STK32C: variants seen among roughly 807,000 people sequenced by gnomAD.
STK32C encodes serine/threonine kinase 32C, also known as serine/threonine-protein kinase 32C.
A neutral mutation model predicts 56.5 loss-of-function variants in STK32C; 31 were observed. The ratio of observed to expected loss-of-function variants is 0.55; its 90% CI spans 0.41 to 0.74. STK32C has a LOEUF of 0.74. Among genes scored for constraint, STK32C ranks in the 30% least tolerant of loss-of-function variants. STK32C has a pLI of 0.00. For missense variants in STK32C, 544 were observed against 676.9 expected (o/e 0.80, Z 2.18); for synonymous variants, 309 against 289.4 (o/e 1.07, Z -0.69).
chr10:132,245,146 A>G (rs1376548516), intron 2 of STK32C, among the ~76,000 whole-genome samples: 9 of 152,190 alleles, frequency 5.9e-5, no homozygotes, highest in Non-Finnish European at 1.3e-4. Context: ...AATCGCTTTA[A>G]AAAGGGCTTA....
At chr10:132,223,027 C>G in intron 8 of STK32C, 41 bp from the exon 9 acceptor site, 1 of 1,533,912 alleles carries the variant, frequency 6.5e-7, no homozygotes, top group South Asian at 1.2e-5. Context: ...GGCCCACAGC[C>G]CACCAGCACG....
chr10:132,237,830 T>A (rs970295033), intron 2 of STK32C, among the ~76,000 whole-genome samples: 1 of 152,200 alleles, frequency 6.6e-6, no homozygotes, highest in African/African-American at 2.4e-5. Context: ...AGGATCCCCC[T>A]TTCCCGACCA....
At chr10:132,218,422 C>G (rs750527257) in intron 10 of STK32C, among the ~76,000 whole-genome samples, 5 of 152,158 alleles carry the variant, frequency 3.3e-5, no homozygotes, top group Admixed American at 1.3e-4. Context: ...AGACATTTCT[C>G]TAGACACAAT....
chr10:132,230,679 C>CGGG lies in STK32C; in HGVS notation c.319-2554_319-2552dup, dbSNP rs377544275. Among the ~76,000 whole-genome samples, 187 of 49,566 alleles carry CGGG rather than the reference C, an allele frequency of 3.8e-3. 2 individuals are homozygous for CGGG. Among genetic ancestry groups the CGGG allele is most frequent in the East Asian group, 0.016 (24 of 1,516 alleles). The allele number at this position is 49,566 out of a possible 152,430, so 32.5% of individuals were successfully genotyped here. A position where few individuals can be genotyped will look rare whatever the true frequency, so the allele number is the denominator to read the frequency against. ...CTCTTGCTGCTGGGGGGGAAGCTGG[C>CGGG]GGGGGGGGGGGGGCTGCAGAGCCCA... On this transcript the variant is annotated intron_variant, in intron 2 of 11. Coordinates refer to ENST00000298630, the MANE Select transcript of STK32C (RefSeq NM_173575.4).
chr10:132,307,586 T>G lies in STK32C; in HGVS notation c.248A>C (p.Asp83Ala). Residue 83 changes from aspartate to alanine, a missense_variant, in exon 1 of 12, where the codon GAC (aspartate) becomes GCC (alanine). Transcript: ENST00000298630. The surrounding 1 kb of genome is among the most constrained non-coding windows in gnomAD (Gnocchi z 4.4). ...CCCGCACTCACCGTCCTCCTTGTCG[T>G]CAAACACCGGCCTCCGCGCGGTGGC... ...SAATARRPVF[D>A]DKEDVNFDHF... 6.8e-7 allele frequency: 1 copy of G among 1,472,484 alleles called. No homozygotes were observed. The highest frequency in any genetic ancestry group is 9.1e-7 in the Non-Finnish European group (1 of 1,101,986). The allele number at this position is 1,472,484 out of a possible 1,614,324, so 91.2% of individuals were successfully genotyped here.
intron 10 of STK32C, among the ~76,000 whole-genome samples, chr10:132,213,794 C>A (rs1430625167): frequency 2.0e-5 from 3 of 151,994 alleles, no homozygotes; most frequent in African/African-American, 7.3e-5. Flanking sequence ...AACAGAAGGG[C>A]AATGTAAGTA....
Position 132,227,078 on chromosome 10 carries a change from G to A in STK32C, c.471-110C>T, listed in dbSNP as rs1190384943. The A allele has an allele frequency of 2.2e-5, 28 of 1,275,400 alleles. 1 individual carries two copies. The highest frequency in any genetic ancestry group is 2.9e-5 in the Non-Finnish European group (27 of 917,736). 79.0% of individuals were successfully genotyped at this position (1,275,400 alleles called of 1,614,324 possible). On this transcript the variant is annotated intron_variant, in intron 3 of 11. Transcript: ENST00000298630. ...GGACCACAGCCCCACCCCAGCATCA[G>A]CCACCAGGCATTCCCAGGAGGAGGG...
intron 1 of STK32C, among the ~76,000 whole-genome samples, chr10:132,304,626 C>A (rs991266312): frequency 2.0e-5 from 3 of 152,206 alleles, no homozygotes; most frequent in African/African-American, 4.8e-5. Context: ...GGAGGTGACA[C>A]CGTGATCCCA....
chr10:132,321,773 A>G (rs1347952849), downstream of STK32C, among the ~76,000 whole-genome samples: 1 of 152,132 alleles, frequency 6.6e-6, no homozygotes, highest in Non-Finnish European at 1.5e-5. Context: ...TTGGTCATTC[A>G]TTTTGAGGCT....
rs1020385317 is a variant in STK32C, at chr10:132,207,523, A to G, written c.*487T>C. On this transcript the variant is annotated 3_prime_UTR_variant, in exon 12 of 12. Coordinates refer to ENST00000298630, the MANE Select transcript of STK32C (RefSeq NM_173575.4). ...TCTCACATTGTAATTCTCAGAGGTG[A>G]AAACTACAGAAATTGCTGGAGCAGT... is the stretch of plus-strand genomic sequence containing the variant. 4 of 51,408 alleles carry G rather than the reference A, an allele frequency of 7.8e-5. No individual in the cohort carries two copies. The highest frequency in any genetic ancestry group is 1.9e-4 in the African/African-American group (3 of 15,740). 3.2% of individuals were successfully genotyped at this position (51,408 alleles called of 1,614,324 possible). A position where few individuals can be genotyped will look rare whatever the true frequency, so the allele number is the denominator to read the frequency against.
intron 1 of STK32C, among the ~76,000 whole-genome samples, chr10:132,276,574 G>A (rs1379133676): frequency 6.6e-6 from 1 of 152,070 alleles, no homozygotes; most frequent in East Asian, 1.9e-4. Flanking sequence ...TTGTGGCCAG[G>A]AGTGTGAGAC....
intron 1 of STK32C, among the ~76,000 whole-genome samples, chr10:132,252,452 C>T (rs551901894): frequency 1.4e-3 from 213 of 152,386 alleles, no homozygotes; most frequent in African/African-American, 4.9e-3. Flanking sequence ...TGATTTACGC[C>T]GTGCAGTGAT....
At chr10:132,252,256 G>A (rs564064069) in intron 1 of STK32C, among the ~76,000 whole-genome samples, 1 of 152,262 alleles carries the variant, frequency 6.6e-6, no homozygotes, top group African/African-American at 2.4e-5. Context: ...TCAGTGTGGG[G>A]GAAACACTCA....
At chr10:132,292,697 C>T (rs906284160) in intron 1 of STK32C, among the ~76,000 whole-genome samples, 2 of 152,200 alleles carry the variant, frequency 1.3e-5, no homozygotes, top group African/African-American at 4.8e-5. Context: ...CAACGCAAGA[C>T]CCCCACCCAA....
intron 1 of STK32C, among the ~76,000 whole-genome samples, chr10:132,260,094 C>A (rs993498658): frequency 6.6e-6 from 1 of 152,112 alleles, no homozygotes; most frequent in Non-Finnish European, 1.5e-5. Context: ...CAAGCTAAAC[C>A]CTGATGATGT....
intron 1 of STK32C, among the ~76,000 whole-genome samples, chr10:132,256,296 C>A (rs1007824384): frequency 6.6e-6 from 1 of 152,114 alleles, no homozygotes; most frequent in African/African-American, 2.4e-5. Context: ...ACCCTGTTGG[C>A]GGCAGCATTC....
intron 1 of STK32C, among the ~76,000 whole-genome samples, chr10:132,279,592 A>G (rs957001594): frequency 6.6e-6 from 1 of 150,988 alleles, no homozygotes; most frequent in Non-Finnish European, 1.5e-5. Context: ...GCCCACCCGC[A>G]CTCCATGTTC....
intron 2 of STK32C, among the ~76,000 whole-genome samples, chr10:132,231,394 C>A (rs1322092123): frequency 2.6e-5 from 4 of 152,248 alleles, no homozygotes; most frequent in African/African-American, 9.6e-5. Context: ...ACACTCAGGT[C>A]TCCCGAGTCT....
chr10:132,208,385 G>C (rs1047680918), intron 11 of STK32C, among the ~76,000 whole-genome samples: 1 of 152,210 alleles, frequency 6.6e-6, no homozygotes, highest in Non-Finnish European at 1.5e-5. Flanking sequence ...GCCAGAAGCC[G>C]AAAGGCCTGA....
Sources: allele counts gnomAD v4.1 joint callset (sites outside exome capture counted in the v4.1 genomes callset), GRCh38; gene constraint gnomAD v4.1.1; non-coding constraint Gnocchi (gnomAD v3.1); transcripts MANE v1.5; gene names NCBI Gene and HGNC (gene_info 2026-07-23, HGNC 2026-07-21).